The following CYTH3 variants were observed in gnomAD, a reference collection of about 807,000 sequenced individuals.
CYTH3 encodes cytohesin 3.
A neutral mutation model predicts 55.1 loss-of-function variants in CYTH3; 23 were observed. That is an observed-to-expected ratio of 0.42 (90% confidence interval 0.30 to 0.59). The LOEUF (loss-of-function observed/expected upper bound fraction) is 0.59. Ranked by LOEUF, CYTH3 falls within the 20% of genes least tolerant of loss-of-function variation. The pLI is 0.20. For synonymous variants in CYTH3, 249 were observed against 194.9 expected (o/e 1.28, Z -2.31); for missense variants, 413 against 524.8 (o/e 0.79, Z 2.08).
At chr7:6,220,635 T>C (rs934536066) in intron 1 of CYTH3, among the ~76,000 whole-genome samples, 22 of 147,654 alleles carry the variant, frequency 1.5e-4, no homozygotes, top group South Asian at 1.1e-3. Flanking sequence ...GGATCTTTCA[T>C]ACATTGCTGG....
At chr7:6,251,730 G>C (rs186197709) in intron 1 of CYTH3, among the ~76,000 whole-genome samples, 255 of 152,254 alleles carry the variant, frequency 1.7e-3, no homozygotes, top group African/African-American at 5.8e-3. Context: ...ACGTAAAAAA[G>C]AGCTTCTAAA....
intron 1 of CYTH3, among the ~76,000 whole-genome samples, chr7:6,193,822 C>A (rs1309343895): frequency 6.6e-6 from 1 of 152,058 alleles, no homozygotes; most frequent in Non-Finnish European, 1.5e-5. Context: ...GCAAGGGCAC[C>A]CTACTAAAAA....
At chr7:6,245,019 C>T (rs1779773019) in intron 1 of CYTH3, among the ~76,000 whole-genome samples, 1 of 118,682 alleles carries the variant, frequency 8.4e-6, no homozygotes, top group Non-Finnish European at 1.6e-5. Context: ...ACATGGTTTC[C>T]CGTGTCAGGC....
chr7:6,241,403 G>C (rs565514659), intron 1 of CYTH3, among the ~76,000 whole-genome samples: 82 of 152,286 alleles, frequency 5.4e-4, no homozygotes, highest in Non-Finnish European at 1.0e-3. Context: ...GCAAAAATCC[G>C]AAAGTTTGAC....
At chr7:6,219,123 G>T (rs929982348) in intron 1 of CYTH3, among the ~76,000 whole-genome samples, 1 of 151,734 alleles carries the variant, frequency 6.6e-6, no homozygotes, top group Non-Finnish European at 1.5e-5. Flanking sequence ...ACCGTTGGTA[G>T]AAAAATGGAC....
chr7:6,263,108 C>G (rs1178755129), intron 1 of CYTH3, among the ~76,000 whole-genome samples: 3 of 152,168 alleles, frequency 2.0e-5, no homozygotes, highest in Non-Finnish European at 2.9e-5. Flanking sequence ...CCATCTGATT[C>G]TCCAAAATAC....
chr7:6,210,593 T>C (rs775517133), intron 1 of CYTH3, among the ~76,000 whole-genome samples: 4 of 152,320 alleles, frequency 2.6e-5, no homozygotes, highest in East Asian at 3.9e-4. Context: ...CCTATATCCA[T>C]AGGTGGAACT....
chr7:6,263,216 A>C (rs940615258), intron 1 of CYTH3, among the ~76,000 whole-genome samples: 2 of 152,220 alleles, frequency 1.3e-5, no homozygotes, highest in African/African-American at 4.8e-5. Context: ...GTCACTATAA[A>C]GCAACACAAA....
chr7:6,221,704 T>TTA lies in CYTH3; in HGVS notation c.35-31174_35-31173insTA, dbSNP rs1554251778. On this transcript the variant is annotated intron_variant, in intron 1 of 12. Coordinates refer to ENST00000350796, the MANE Select transcript of CYTH3 (RefSeq NM_004227.4). ...TCTACAAATTAGTTCAAAATGAAGT[T>TTA]AAAAAAAAATTAGGCCAGGCATGGT... Among the ~76,000 whole-genome samples the TTA allele has an allele frequency of 4.0e-5, 6 of 151,534 alleles. No homozygotes were observed. The East Asian group carries it at 1.2e-3, about 29-fold the overall frequency.
At position 6,165,925 on chromosome 7, in the gene CYTH3, C is replaced by T. The variant is rs1782987389; in HGVS notation, c.824-115G>A. ...CGTTTTCAGAAAGGCCACCAGGCGC[C>T]AGGCTTGGGTTCAGGTGTCCTTCAG... On this transcript the variant is annotated intron_variant, in intron 9 of 12. Coordinates refer to ENST00000350796, the MANE Select transcript of CYTH3 (RefSeq NM_004227.4). 4.8e-6 allele frequency: 5 copies of T among 1,031,964 alleles called. No homozygotes were observed. The Admixed American group carries it at 1.1e-4, about 22-fold the overall frequency. The allele number at this position is 1,031,964 out of a possible 1,614,324, so 63.9% of individuals were successfully genotyped here.
intron 1 of CYTH3, among the ~76,000 whole-genome samples, chr7:6,235,260 G>A (rs891450267): frequency 1.3e-5 from 2 of 152,160 alleles, no homozygotes; most frequent in African/African-American, 4.8e-5. Flanking sequence ...CACATCATTT[G>A]AGGTCACGAG....
intron 1 of CYTH3, among the ~76,000 whole-genome samples, chr7:6,263,603 C>A (rs1291341013): frequency 6.6e-6 from 1 of 152,102 alleles, no homozygotes; most frequent in African/African-American, 2.4e-5. Flanking sequence ...CAAGACCAGC[C>A]TGGCCAACGT....
In CYTH3 at chr7:6,258,181, C is replaced by T. The variant is rs534205256; in HGVS notation, c.34+14293G>A. ...AAAAAATACTTTTAAATTAGCGCAG[C>T]GTGGTGGTGAGGGCCTAGCTACTTG... On this transcript the variant is annotated intron_variant, in intron 1 of 12. Coordinates refer to ENST00000350796, the MANE Select transcript of CYTH3 (RefSeq NM_004227.4). Among the ~76,000 whole-genome samples, 19 of 151,490 alleles carry T rather than the reference C, an allele frequency of 1.3e-4. No homozygotes were observed. In the East Asian group the frequency reaches 2.1e-3, roughly 17 times the overall value.
rs575274656 is a variant in CYTH3, at chr7:6,198,797, T to G, written c.35-8266A>C. ...GCTAAAAAAAAAAAAAAGGGCAGGTTAACTGGAAATCACTGGTCTGGCATG... is the reference window on the plus strand; with the variant it reads ...GCTAAAAAAAAAAAAAAGGGCAGGTGAACTGGAAATCACTGGTCTGGCATG... On this transcript the variant is annotated intron_variant, in intron 1 of 12. Transcript: ENST00000350796. Among the ~76,000 whole-genome samples, 4 of 148,476 alleles carry G rather than the reference T, an allele frequency of 2.7e-5. No individual in the cohort carries two copies. The South Asian group carries it at 8.5e-4, about 31-fold the overall frequency.
At chr7:6,271,744 T>G (rs1214201643) in intron 1 of CYTH3, among the ~76,000 whole-genome samples, 6 of 151,970 alleles carry the variant, frequency 3.9e-5, no homozygotes, top group African/African-American at 1.5e-4. Flanking sequence ...CCCGACCCAC[T>G]CGGGAGCACA....
intron 1 of CYTH3, among the ~76,000 whole-genome samples, chr7:6,217,311 C>T (rs887360153): frequency 3.3e-5 from 5 of 152,188 alleles, no homozygotes; most frequent in African/African-American, 7.2e-5. Flanking sequence ...CACCTAGATG[C>T]TGTCTACAAA....
intron 1 of CYTH3, among the ~76,000 whole-genome samples, chr7:6,268,722 A>G (rs1337801254): frequency 6.6e-6 from 1 of 152,210 alleles, no homozygotes; most frequent in Non-Finnish European, 1.5e-5. Context: ...ACACGCCTGT[A>G]ATTTTTAAAG....
At chr7:6,215,637 A>G (rs1449698946) in intron 1 of CYTH3, among the ~76,000 whole-genome samples, 1 of 152,088 alleles carries the variant, frequency 6.6e-6, no homozygotes, top group East Asian at 1.9e-4. Flanking sequence ...GGTGGGCTAG[A>G]AAAACATTTT....
Position 6,222,792 on chromosome 7 carries a change from C to T in CYTH3, c.35-32261G>A, listed in dbSNP as rs542350486. ...CAAAAAAGCAAAAAAAAAACTGAAC[C>T]AATTTTATATAACCATTATACATTA... On this transcript the variant is annotated intron_variant, in intron 1 of 12. Transcript: ENST00000350796. Among the ~76,000 whole-genome samples, 56 of 150,810 alleles carry T rather than the reference C, an allele frequency of 3.7e-4. 1 individual carries two copies. The highest frequency in any genetic ancestry group is 3.5e-3 in the Middle Eastern group (1 of 286).
Sources: allele counts gnomAD v4.1 joint callset (sites outside exome capture counted in the v4.1 genomes callset), GRCh38; gene constraint gnomAD v4.1.1; transcripts MANE v1.5; gene names NCBI Gene and HGNC (gene_info 2026-07-23, HGNC 2026-07-21).